Variants in PPP1R12A observed in about 807,000 individuals in gnomAD.
PPP1R12A encodes protein phosphatase 1 regulatory subunit 12A.
A neutral mutation model predicts 139.6 loss-of-function variants in PPP1R12A; 19 were observed. The ratio of observed to expected loss-of-function variants is 0.14; its 90% CI spans 0.09 to 0.20. The LOEUF (loss-of-function observed/expected upper bound fraction) is 0.20. Among genes scored for constraint, PPP1R12A ranks in the 10% least tolerant of loss-of-function variants. The pLI, the probability that PPP1R12A is intolerant of heterozygous loss-of-function variation, is 1.00. For missense variants in PPP1R12A, 925 were observed against 1,211.5 expected (o/e 0.76, Z 3.51); for synonymous variants, 427 against 420.6 (o/e 1.02, Z -0.19).
intron 1 of PPP1R12A, among the ~76,000 whole-genome samples, chr12:79,925,744 T>C (rs1887790535): frequency 6.6e-6 from 1 of 152,204 alleles, no homozygotes; most frequent in Non-Finnish European, 1.5e-5. Context: ...CGTGTCTTTT[T>C]ATGGTTAGCC....
At position 79,929,040 on chromosome 12, in the gene PPP1R12A, G is replaced by T. The variant is rs148010260; in HGVS notation, c.237+5655C>A. Among the ~76,000 whole-genome samples, 6 of 152,316 alleles carry T rather than the reference G, an allele frequency of 3.9e-5. No individual in the cohort carries two copies. In the East Asian group the frequency reaches 1.2e-3, roughly 29 times the overall value. ...AACCTTGGCATCAGGAACTAGTTTT[G>T]TGAATGACAATTTTTCCACAGATGT... is the stretch of plus-strand genomic sequence containing the variant. On this transcript the variant is annotated intron_variant, in intron 1 of 24. Coordinates refer to ENST00000450142, the MANE Select transcript of PPP1R12A (RefSeq NM_002480.3).
At chr12:79,843,806 C>A (rs184123328) in intron 3 of PPP1R12A, among the ~76,000 whole-genome samples, 1 of 151,384 alleles carries the variant, frequency 6.6e-6, no homozygotes, top group African/African-American at 2.4e-5. Context: ...CGGGTTCAAG[C>A]AATTCTCCTG....
At chr12:79,884,708 A>G (rs1440539361) in intron 1 of PPP1R12A, among the ~76,000 whole-genome samples, 1 of 152,200 alleles carries the variant, frequency 6.6e-6, no homozygotes, top group South Asian at 2.1e-4. Context: ...CTTATCTGAC[A>G]TGGTTTACCT....
intron 1 of PPP1R12A, among the ~76,000 whole-genome samples, chr12:79,926,684 T>C (rs995525463): frequency 6.6e-6 from 1 of 152,152 alleles, no homozygotes; most frequent in Non-Finnish European, 1.5e-5. Context: ...TTTTTTTTAA[T>C]CATTAAATAT....
At chr12:79,912,053 A>G (rs2136915360) in intron 1 of PPP1R12A, among the ~76,000 whole-genome samples, 1 of 152,134 alleles carries the variant, frequency 6.6e-6, no homozygotes, top group South Asian at 2.1e-4. Flanking sequence ...CTGGCCTTCT[A>G]GTTCCTCTGC....
In PPP1R12A at chr12:79,805,709, G is replaced by A. The variant is rs200758355; in HGVS notation, c.1883C>T (p.Thr628Met). The A allele has an allele frequency of 2.9e-4, 464 of 1,613,352 alleles. 1 individual carries two copies. In the African/African-American group the frequency reaches 5.3e-3, roughly 18 times the overall value. ...STEKEKDSVP[T>M]AVTIPVAPTV... ...TGGAGCAACAGGAATGGTCACTGCC[G>A]TAGGAACACTGTCCTTTTCTTTCTC... Residue 628 changes from threonine (T) to methionine (M), a missense_variant, in exon 14 of 25, where the codon ACG becomes ATG. Thr to Met is a moderately conservative substitution (Grantham distance 81). Around this residue, in one of 4 missense-constraint regions of PPP1R12A, gnomAD observed 403 missense variants for 463.7 expected, o/e 0.87. Transcript: ENST00000450142.
intron 1 of PPP1R12A, among the ~76,000 whole-genome samples, chr12:79,898,813 C>G (rs1270605662): frequency 6.6e-6 from 1 of 152,100 alleles, no homozygotes; most frequent in Non-Finnish European, 1.5e-5. Flanking sequence ...CCAACTCACA[C>G]CCTCCCTCAA....
intron 24 of PPP1R12A, chr12:79,777,569 C>A (rs1027720741): frequency 1.0e-5 from 10 of 985,064 alleles, no homozygotes; most frequent in Non-Finnish European, 1.2e-5. Flanking sequence ...GCTTGGCTAC[C>A]ACTCTTGTCA....
chr12:79,784,854 G>A (rs1391157919), intron 22 of PPP1R12A, among the ~76,000 whole-genome samples: 2 of 152,098 alleles, frequency 1.3e-5, no homozygotes, highest in African/African-American at 4.8e-5. Context: ...GGCCAGGCTG[G>A]TCTCGAGCTC....
chr12:79,874,432 C>T (rs1419166937), intron 1 of PPP1R12A, among the ~76,000 whole-genome samples: 1 of 151,896 alleles, frequency 6.6e-6, no homozygotes, highest in East Asian at 1.9e-4. Context: ...CAGTTTTAAA[C>T]TCTAAGACTG....
rs377107088 is a variant in PPP1R12A at position 79,828,384 on chromosome 12, C to T, written c.728G>A (p.Gly243Asp). The T allele has an allele frequency of 1.9e-6, 3 of 1,612,252 alleles. No individual in the cohort carries two copies. The highest frequency in any genetic ancestry group is 1.7e-6 in the Non-Finnish European group (2 of 1,178,844). The change falls in exon 5 of 25, where the codon GGT becomes GAT. Residue 243 changes from glycine (G) to aspartate (D), a missense_variant. Coordinates refer to ENST00000450142, the MANE Select transcript of PPP1R12A (RefSeq NM_002480.3). ...TAAAATTCGACATGCTTCTTCTTTA[C>T]CCCAATGAGCTGCAGCATGAAGAGG... Reference protein sequence around the residue: ...WTPLHAAAHWGKEEACRILVD... With the variant: ...WTPLHAAAHWDKEEACRILVD...
intron 2 of PPP1R12A, among the ~76,000 whole-genome samples, chr12:79,856,172 C>T (rs192792859): frequency 6.6e-6 from 1 of 152,264 alleles, no homozygotes; most frequent in East Asian, 1.9e-4. Flanking sequence ...TCATCACTTC[C>T]CTAAAACTGC....
chr12:79,866,081 T>G (rs1881928390), intron 2 of PPP1R12A, among the ~76,000 whole-genome samples: 1 of 152,160 alleles, frequency 6.6e-6, no homozygotes, highest in African/African-American at 2.4e-5. Context: ...ACTAGAAGGC[T>G]ACAGTAACCA....
chr12:79,860,643 G>T (rs1881211184), intron 2 of PPP1R12A, among the ~76,000 whole-genome samples: 1 of 152,126 alleles, frequency 6.6e-6, no homozygotes. Context: ...TATAGGGTAT[G>T]GGATGAAATA....
intron 5 of PPP1R12A, among the ~76,000 whole-genome samples, chr12:79,824,620 A>T (rs1004693883): frequency 3.9e-5 from 6 of 152,200 alleles, no homozygotes; most frequent in Non-Finnish European, 7.4e-5. Context: ...TCATCAACTT[A>T]ACTCATCAAC....
chr12:79,872,116 G>A (rs1297802472), intron 2 of PPP1R12A, among the ~76,000 whole-genome samples: 1 of 152,090 alleles, frequency 6.6e-6, no homozygotes, highest in Non-Finnish European at 1.5e-5. Context: ...GATATTTACA[G>A]AGTAGAATTC....
intron 1 of PPP1R12A, among the ~76,000 whole-genome samples, chr12:79,922,481 G>A (rs911652319): frequency 6.6e-6 from 1 of 152,082 alleles, no homozygotes; most frequent in Non-Finnish European, 1.5e-5. Context: ...AGAAAATGTA[G>A]CACATACACA....
At chr12:79,789,441 A>G (rs1871527502) in intron 20 of PPP1R12A, among the ~76,000 whole-genome samples, 1 of 152,180 alleles carries the variant, frequency 6.6e-6, no homozygotes, top group Non-Finnish European at 1.5e-5. Flanking sequence ...TTTCAGTAGT[A>G]GGTAACACAA....
intron 1 of PPP1R12A, among the ~76,000 whole-genome samples, chr12:79,882,747 T>C (rs567405615): frequency 3.9e-5 from 6 of 152,102 alleles, no homozygotes; most frequent in African/African-American, 1.2e-4. Flanking sequence ...GAAGAGTCAG[T>C]TGATGAGGGA....
Sources: gnomAD v4.1 joint callset for allele counts (sites outside exome capture counted in the v4.1 genomes callset) on GRCh38, gnomAD v4.1.1 for gene constraint, gnomAD v4.1.1 regional missense constraint, MANE v1.5 for transcripts, NCBI Gene and HGNC (gene_info 2026-07-23, HGNC 2026-07-21) for gene names.